NLRP2: variants seen among roughly 807,000 people sequenced by gnomAD.
NLRP2 encodes NACHT, LRR and PYD domains-containing protein 2.
Under a neutral mutation model 97.2 loss-of-function variants are expected in NLRP2, and 107 were observed. That is an observed-to-expected ratio of 1.10 (90% CI 0.94 to 1.29). The LOEUF (loss-of-function observed/expected upper bound fraction) is 1.29, where lower values mean the gene tolerates loss of function less well. NLRP2 is among the 50% of genes most tolerant of loss of function. The pLI is 0.00. For synonymous variants in NLRP2, 663 were observed against 551.5 expected, an observed-to-expected ratio of 1.20 and a Z score of -2.83; for missense variants, 1,495 against 1,330.3, an observed-to-expected ratio of 1.12 and a Z score of -1.93.
In NLRP2 at chr19:54,970,214, T is replaced by G. The variant is rs1431453132; in HGVS notation, c.199T>G (p.Trp67Gly). The G allele has an allele frequency of 1.2e-6, 2 of 1,614,140 alleles. No individual in the cohort carries two copies. Among genetic ancestry groups the G allele is most frequent in the Non-Finnish European group, 1.7e-6 (2 of 1,180,040 alleles). Residue 67 changes from tryptophan (W) to glycine (G), a missense_variant, in exon 2 of 13, where the codon TGG (tryptophan) becomes GGG (glycine). Physicochemically the swap from Trp to Gly is radical, Grantham distance 184. Coordinates refer to ENST00000448584, the MANE Select transcript of NLRP2 (RefSeq NM_017852.5). ...EILTTHCDSY[W>G]VEMASLQVFE... ...CCTCACCACCCATTGTGACAGCTAC[T>G]GGGTGGAGATGGCGAGCCTCCAGGT...
intron 7 of NLRP2, among the ~76,000 whole-genome samples, chr19:54,985,872 C>CCT (rs2072038761): frequency 6.6e-6 from 1 of 151,792 alleles, no homozygotes; most frequent in South Asian, 2.1e-4. Flanking sequence ...GTGGCAGGTG[C>CCT]CTATAATCCC....
chr19:54,998,245 C>T (rs1385306000), intron 12 of NLRP2, among the ~76,000 whole-genome samples: 1 of 151,802 alleles, frequency 6.6e-6, no homozygotes, highest in African/African-American at 2.4e-5. Flanking sequence ...TCTCAAACTC[C>T]TGACCTCCGT....
chr19:54,992,299 A>G (rs1441856870), intron 10 of NLRP2, among the ~76,000 whole-genome samples: 1 of 152,026 alleles, frequency 6.6e-6, no homozygotes, highest in Non-Finnish European at 1.5e-5. Context: ...AATCTAGGAT[A>G]TGTACCTGGC....
intron 12 of NLRP2, among the ~76,000 whole-genome samples, chr19:55,000,295 TTTTTTTTTTTTTTTG>T (rs2073107488): frequency 1.9e-5 from 2 of 104,384 alleles, no homozygotes; most frequent in South Asian, 3.8e-4. Context: ...TTTTTTTTTT[TTTTTTTTTTTTTTTG>T]AGATCGCCCA....
chr19:54,976,018 G>T (rs977514591), intron 3 of NLRP2, among the ~76,000 whole-genome samples: 7 of 152,010 alleles, frequency 4.6e-5, no homozygotes, highest in African/African-American at 1.7e-4. Flanking sequence ...CAAAGTGCTG[G>T]GATTACAGAC....
At chr19:54,970,330 G>A in intron 2 of NLRP2, 35 bp downstream of exon 2, 3 of 1,612,086 alleles carry the variant, frequency 1.9e-6, no homozygotes, top group Non-Finnish European at 2.5e-6. Flanking sequence ...TGTCCTAGGA[G>A]GAAGCAGGCG....
At chr19:55,000,448 T>A (rs1173461038) in intron 12 of NLRP2, among the ~76,000 whole-genome samples, 2 of 151,306 alleles carry the variant, frequency 1.3e-5, no homozygotes, top group African/African-American at 4.9e-5. Flanking sequence ...GGCTAATTTT[T>A]TGTATTTTTT....
At chr19:55,000,309 T>TG (rs2073109163) in intron 12 of NLRP2, among the ~76,000 whole-genome samples, 1 of 108,594 alleles carries the variant, frequency 9.2e-6, no homozygotes, top group Non-Finnish European at 1.9e-5. Context: ...TTTTTTTTTT[T>TG]GAGATCGCCC....
chr19:54,988,837 A>T (rs1422703237), intron 8 of NLRP2, among the ~76,000 whole-genome samples: 1 of 151,904 alleles, frequency 6.6e-6, no homozygotes, highest in Non-Finnish European at 1.5e-5. Context: ...TTATGAATTT[A>T]TTCTAACACA....
chr19:55,000,723 G>A (rs1568552880), intron 12 of NLRP2, 37 bp from the exon 13 acceptor site: 1 of 1,609,638 alleles, frequency 6.2e-7, no homozygotes. Context: ...TCTCCTTGAT[G>A]CACAAAGTAA....
chr19:54,994,757 C>T (rs1231434810), intron 11 of NLRP2, among the ~76,000 whole-genome samples: 2 of 151,550 alleles, frequency 1.3e-5, no homozygotes, highest in Non-Finnish European at 2.9e-5. Context: ...ATTACAGGCG[C>T]CCGCCACCAT....
intron 8 of NLRP2, among the ~76,000 whole-genome samples, chr19:54,987,740 A>C (rs1365527173): frequency 1.1e-4 from 8 of 70,552 alleles, no homozygotes; most frequent in Non-Finnish European, 2.0e-4. Context: ...AGACTGTCTC[A>C]AAAAAAAAAA....
chr19:54,966,159 C>T (rs1247768170), upstream of NLRP2: 1 of 151,552 alleles, frequency 6.6e-6, no homozygotes, highest in Admixed American at 6.6e-5. Context: ...TGGGCAGTCC[C>T]AGTGTAACCA....
chr19:54,970,394 T>A, intron 2 of NLRP2, 99 bp downstream of exon 2: 1 of 1,426,268 alleles, frequency 7.0e-7, no homozygotes, highest in Non-Finnish European at 9.8e-7. Flanking sequence ...CTCACGCCTG[T>A]CGTCCCAGCC....
At position 54,974,375 on chromosome 19, in the gene NLRP2, A is replaced by G; in HGVS notation, c.281-125A>G. On this transcript the variant is annotated intron_variant, in intron 2 of 12. Coordinates refer to ENST00000448584, the MANE Select transcript of NLRP2 (RefSeq NM_017852.5). ...AAAAAAAAAGATGCAAGCATTTTGA[A>G]CTGGAAGGAGATAAGAGAAAGGAAC... 5.0e-6 allele frequency: 4 copies of G among 793,100 alleles called. No individual in the cohort carries two copies. The South Asian group carries it at 5.7e-5, about 11-fold the overall frequency. The allele number at this position is 793,100 out of a possible 1,614,324, so 49.1% of individuals were successfully genotyped here. A position where few individuals can be genotyped will look rare whatever the true frequency, so the allele number is the denominator to read the frequency against.
At chr19:54,971,664 G>A (rs1001783529) in intron 2 of NLRP2, among the ~76,000 whole-genome samples, 3 of 151,742 alleles carry the variant, frequency 2.0e-5, no homozygotes, top group African/African-American at 7.3e-5. Flanking sequence ...CTTTTTGATG[G>A]GGTTGTTTGT....
At chr19:54,991,182 G>C (rs1384020299) in intron 10 of NLRP2, 1 of 176,666 alleles carries the variant, frequency 5.7e-6, no homozygotes, top group Non-Finnish European at 1.2e-5. Flanking sequence ...TTCTGGGCCA[G>C]TGTACGCTCA....
intron 3 of NLRP2, chr19:54,976,941 A>T (rs2071278095): frequency 2.9e-5 from 11 of 383,840 alleles, no homozygotes; most frequent in South Asian, 2.1e-4. Flanking sequence ...CAGCCTCGCA[A>T]GTAGCTGGGA....
intron 12 of NLRP2, among the ~76,000 whole-genome samples, chr19:54,998,766 C>T (rs1257063779): frequency 6.7e-6 from 1 of 150,158 alleles, no homozygotes; most frequent in Non-Finnish European, 1.5e-5. Context: ...TTTTCCTAGG[C>T]AGAGGACCCT....
Sources: allele counts gnomAD v4.1 joint callset (sites outside exome capture counted in the v4.1 genomes callset), GRCh38; gene constraint gnomAD v4.1.1; transcripts MANE v1.5; gene names NCBI Gene and HGNC (gene_info 2026-07-23, HGNC 2026-07-21).